The following ALG12 variants were observed in gnomAD, a reference collection of about 807,000 sequenced individuals.
The protein encoded by ALG12 is ALG12 alpha-1,6-mannosyltransferase.
In ALG12, 36 loss-of-function variants were observed where a neutral mutation model predicts 46.0. The observed-to-expected ratio is 0.78, with a 90% CI of 0.60 to 1.03. The LOEUF (loss-of-function observed/expected upper bound fraction) is 1.03, where lower values mean the gene tolerates loss of function less well. Among genes scored for constraint, ALG12 ranks in the 50% least tolerant of loss-of-function variants. The pLI is 0.00. For missense variants in ALG12, 599 were observed against 633.5 expected (o/e 0.95, Z 0.58); for synonymous variants, 326 against 291.6 (o/e 1.12, Z -1.20).
chr22:49,863,921 C>T, the ALG12 span, among the ~76,000 whole-genome samples: 2 of 152,212 alleles, frequency 1.3e-5, no homozygotes, highest in African/African-American at 4.8e-5. Context: ...GTGAGAGCCC[C>T]TACAAGCTGG....
At chr22:49,896,843 G>T (rs1203592212), downstream of ALG12, among the ~76,000 whole-genome samples, 2 of 146,572 alleles carry the variant, frequency 1.4e-5, no homozygotes, top group Admixed American at 6.6e-5. Flanking sequence ...GTTTCGCCAT[G>T]TTTGCCAGGC....
At chr22:49,863,177 T>C in the ALG12 span, among the ~76,000 whole-genome samples, 5 of 151,724 alleles carry the variant, frequency 3.3e-5, no homozygotes, top group African/African-American at 1.2e-4. Context: ...AGATTGTGTT[T>C]GGTTGGTTGG....
At chr22:49,888,249 G>C in the ALG12 span, 1 of 166,970 alleles carries the variant, frequency 6.0e-6, no homozygotes, top group Non-Finnish European at 1.5e-5. Context: ...GAGAAAAAAA[G>C]ATTCATTTTC....
intron 1 of ALG12, among the ~76,000 whole-genome samples, chr22:49,915,053 G>A (rs897319295): frequency 6.6e-6 from 1 of 152,248 alleles, no homozygotes; most frequent in African/African-American, 2.4e-5. Flanking sequence ...ATCAAACGGA[G>A]AGTTAAGAAG....
In ALG12 at chr22:49,911,503, C is replaced by T. The variant is rs554193163; in HGVS notation, c.296-896G>A. Among the ~76,000 whole-genome samples the T allele has an allele frequency of 3.1e-4, 47 of 152,112 alleles. 1 individual carries two copies. The highest frequency in any genetic ancestry group is 1.1e-3 in the African/African-American group (44 of 41,498). ...AGGCTGGAGTGCAGTGGCATAATCT[C>T]GGCTCACTGCAACCTCTGCCTTCCG... On this transcript the variant is annotated intron_variant, in intron 3 of 9. Transcript: ENST00000330817.
intron 6 of ALG12, among the ~76,000 whole-genome samples, 190 bp from the exon 7 acceptor site, chr22:49,908,134 G>C (rs1374534691): frequency 3.3e-5 from 5 of 152,324 alleles, no homozygotes; most frequent in African/African-American, 1.2e-4. Flanking sequence ...GCCACAGCTC[G>C]GGTGCACACA....
rs139930976 is a variant in ALG12, at chr22:49,903,529, G to A, written c.*309C>T. ...GTGCCTGGGTGAGCCCGCTGCTCCTGATTAGTCATGAATGGCACCTGGTCT... is the reference window on the plus strand; with the variant it reads ...GTGCCTGGGTGAGCCCGCTGCTCCTAATTAGTCATGAATGGCACCTGGTCT... On this transcript the variant is annotated 3_prime_UTR_variant, in exon 10 of 10. Coordinates refer to ENST00000330817, the MANE Select transcript of ALG12 (RefSeq NM_024105.4). 1 of 563,874 alleles carries A rather than the reference G, an allele frequency of 1.8e-6. No homozygotes were observed. The highest frequency in any genetic ancestry group is 3.4e-6 in the Non-Finnish European group (1 of 296,586). 34.9% of individuals were successfully genotyped at this position (563,874 alleles called of 1,614,324 possible). A position where few individuals can be genotyped will look rare whatever the true frequency, so the allele number is the denominator to read the frequency against.
chr22:49,916,120 G>A (rs1288820073), intron 1 of ALG12, among the ~76,000 whole-genome samples: 2 of 151,906 alleles, frequency 1.3e-5, no homozygotes, highest in South Asian at 2.1e-4. Context: ...ATTAGCTGGA[G>A]TGGTGGCGAG....
At chr22:49,877,983 T>A in the ALG12 span, among the ~76,000 whole-genome samples, 97,856 of 152,118 alleles carry the variant, frequency 0.64, 35,668 homozygotes, top group East Asian at 0.85. Context: ...ATACTACATA[T>A]AAAGCTGCTG....
At chr22:49,886,835 C>G in the ALG12 span, 8 of 1,613,884 alleles carry the variant, frequency 5.0e-6, no homozygotes, top group Admixed American at 1.7e-5. This position sits in a 1 kb window ranked among gnomAD's most constrained non-coding sequence, Gnocchi z 7.7. Flanking sequence ...TCGAAAGACT[C>G]TGCCGCAGAG....
downstream of ALG12, among the ~76,000 whole-genome samples, chr22:49,898,719 A>T (rs916848686): frequency 1.3e-5 from 2 of 152,148 alleles, no homozygotes; most frequent in African/African-American, 4.8e-5. Context: ...AAAAGTGCAC[A>T]GGCAATTCAG....
chr22:49,899,469 C>A (rs1407581993), downstream of ALG12, among the ~76,000 whole-genome samples: 1 of 150,008 alleles, frequency 6.7e-6, no homozygotes, highest in African/African-American at 2.5e-5. Flanking sequence ...CAAAGTGAGA[C>A]TCCATCTCAA....
the ALG12 span, chr22:49,885,340 A>G: frequency 2.5e-6 from 4 of 1,588,466 alleles, no homozygotes; most frequent in South Asian, 2.2e-5. Flanking sequence ...TAGCAAAAAG[A>G]CCTCGAAGCT....
chr22:49,894,534 C>T, the ALG12 span, among the ~76,000 whole-genome samples: 1 of 152,220 alleles, frequency 6.6e-6, no homozygotes, highest in Non-Finnish European at 1.5e-5. Flanking sequence ...TCACATCTGA[C>T]AGCACGGCCT....
chr22:49,871,235 C>A, the ALG12 span, among the ~76,000 whole-genome samples: 3 of 151,412 alleles, frequency 2.0e-5, no homozygotes, highest in Non-Finnish European at 4.4e-5. Context: ...AAAGTTAATT[C>A]ATCAGCACTT....
At chr22:49,874,049 G>A in the ALG12 span, among the ~76,000 whole-genome samples, 2 of 152,352 alleles carry the variant, frequency 1.3e-5, no homozygotes, top group African/African-American at 4.8e-5. Flanking sequence ...CTCTAGTACT[G>A]TTTTGTAGAG....
chr22:49,884,989 T>C, the ALG12 span: 1 of 1,613,470 alleles, frequency 6.2e-7, no homozygotes, highest in African/African-American at 1.3e-5. Context: ...ATTGTTTGAA[T>C]CTGGCGCCAT....
rs537617730 is a variant in ALG12 at position 49,911,591 on chromosome 22, C to T, written c.296-984G>A. Among the ~76,000 whole-genome samples, 35 of 152,258 alleles carry T rather than the reference C, an allele frequency of 2.3e-4. No homozygotes were observed. In the South Asian group the frequency reaches 3.3e-3, roughly 14 times the overall value. On this transcript the variant is annotated intron_variant, in intron 3 of 9. Transcript: ENST00000330817. ...CTGGGATTATAGGCGCATGCCAACA[C>T]GCCCGGCTAATTTTTGTATTTTTAG...
At chr22:49,914,459 C>T (rs1383724091) in intron 1 of ALG12, among the ~76,000 whole-genome samples, 2 of 152,214 alleles carry the variant, frequency 1.3e-5, no homozygotes, top group Non-Finnish European at 2.9e-5. Flanking sequence ...CCAAAGGTGG[C>T]ACCACACTGG....
Sources: gnomAD v4.1 joint callset for allele counts (sites outside exome capture counted in the v4.1 genomes callset) on GRCh38, gnomAD v4.1.1 for gene constraint, Gnocchi (gnomAD v3.1) non-coding constraint, MANE v1.5 for transcripts, NCBI Gene and HGNC (gene_info 2026-07-23, HGNC 2026-07-21) for gene names.